The following TTLL5 variants were observed in gnomAD, a reference collection of about 807,000 sequenced individuals.
TTLL5 encodes tubulin polyglutamylase TTLL5.
In TTLL5, 132 loss-of-function variants were observed where a neutral mutation model predicts 168.4. The ratio of observed to expected loss-of-function variants is 0.78; its 90% CI spans 0.68 to 0.91. TTLL5 has a LOEUF of 0.91. Among genes scored for constraint, TTLL5 ranks in the 40% least tolerant of loss-of-function variants. TTLL5 has a pLI of 0.00. For synonymous variants in TTLL5, 546 were observed against 558.6 expected, an observed-to-expected ratio of 0.98 and a Z score of 0.32; for missense variants, 1,545 against 1,581.5, an observed-to-expected ratio of 0.98 and a Z score of 0.39.
rs77742126 is a variant in TTLL5 at position 75,719,825 on chromosome 14, C to T, written c.933C>T (p.Thr311=). 8.3e-4 allele frequency: 1,338 copies of T among 1,613,686 alleles called. No individual in the cohort carries two copies. The highest frequency in any genetic ancestry group is 1.0e-3 in the Non-Finnish European group (1,206 of 1,179,728). Residue 311 remains threonine (T), a splice_region_variant and synonymous_variant, in exon 11 of 32, where the codon ACC becomes ACT. Coordinates refer to ENST00000298832, the MANE Select transcript of TTLL5 (RefSeq NM_015072.5). ...TGAAACAAGAAGGCAGAGATACAAC[C>T]GGTGAGTACTGGGCCTTTTTCCTTC... is the stretch of plus-strand genomic sequence containing the variant. The part of the protein sequence containing the change: ...RYLKQEGRDT[T]ALMAHVEDLI...
chr14:75,896,860 C>T (rs2032686802), intron 30 of TTLL5, among the ~76,000 whole-genome samples: 1 of 152,112 alleles, frequency 6.6e-6, no homozygotes, highest in African/African-American at 2.4e-5. Flanking sequence ...CATTATAACC[C>T]TCCTGGACTG....
chr14:75,832,197 A>G (rs1895608113), intron 28 of TTLL5, among the ~76,000 whole-genome samples: 1 of 152,214 alleles, frequency 6.6e-6, no homozygotes, highest in Non-Finnish European at 1.5e-5. Flanking sequence ...AATGTCAACA[A>G]TAAATATTTG....
In TTLL5 at chr14:75,954,817, T is replaced by C; in HGVS notation, c.*371T>C. The stretch of plus-strand genomic sequence containing the variant: ...ACAGAGATGATATAAAAGAGGCTCT[T>C]TGGCTATTTGCATTTTGCTTCCTCT... On this transcript the variant is annotated 3_prime_UTR_variant, in exon 32 of 32. Transcript: ENST00000298832. 1 of 217,492 alleles carries C rather than the reference T, an allele frequency of 4.6e-6. No homozygotes were observed. The highest frequency in any genetic ancestry group is 9.7e-5 in the East Asian group (1 of 10,288). The allele number at this position is 217,492 out of a possible 1,614,324, so 13.5% of individuals were successfully genotyped here.
At chr14:75,668,485 C>A (rs1218897009) in intron 2 of TTLL5, among the ~76,000 whole-genome samples, 1 of 152,140 alleles carries the variant, frequency 6.6e-6, no homozygotes, top group Non-Finnish European at 1.5e-5. Context: ...AATTTTATTT[C>A]TCTTCCTACC....
chr14:75,877,046 T>C (rs2031532612), intron 29 of TTLL5, among the ~76,000 whole-genome samples: 1 of 152,196 alleles, frequency 6.6e-6, no homozygotes, highest in Non-Finnish European at 1.5e-5. Flanking sequence ...GGACACAATC[T>C]AATGTGGGGA....
chr14:75,664,877 T>C (rs543664640), intron 2 of TTLL5, among the ~76,000 whole-genome samples: 1 of 152,210 alleles, frequency 6.6e-6, no homozygotes, highest in African/African-American at 2.4e-5. Flanking sequence ...TATTAGTGGG[T>C]TTACAGATTG....
intron 28 of TTLL5, among the ~76,000 whole-genome samples, chr14:75,822,802 C>T (rs1894904874): frequency 1.3e-5 from 2 of 152,144 alleles, no homozygotes; most frequent in Non-Finnish European, 2.9e-5. Context: ...AAGCTCAGCC[C>T]AGCGCCTCAA....
chr14:75,946,492 G>A (rs377706208), intron 31 of TTLL5, among the ~76,000 whole-genome samples: 1 of 152,180 alleles, frequency 6.6e-6, no homozygotes, highest in East Asian at 1.9e-4. Context: ...AAAACAGTAC[G>A]AACAAATAAA....
At chr14:75,862,198 CT>C (rs2030073083) in intron 28 of TTLL5, among the ~76,000 whole-genome samples, 1 of 152,216 alleles carries the variant, frequency 6.6e-6, no homozygotes, top group South Asian at 2.1e-4. Context: ...TTTCCTTTCT[CT>C]TTAAGCCTGA....
chr14:75,759,486 T>G (rs548035296), intron 18 of TTLL5, among the ~76,000 whole-genome samples: 5 of 152,250 alleles, frequency 3.3e-5, no homozygotes, highest in African/African-American at 9.6e-5. Context: ...TTATACAGAT[T>G]CTTTTAAGAA....
chr14:75,882,162 C>T lies in TTLL5; in HGVS notation c.3523-523C>T, dbSNP rs867598608. On this transcript the variant is annotated intron_variant, in intron 29 of 31. Coordinates refer to ENST00000298832, the MANE Select transcript of TTLL5 (RefSeq NM_015072.5). ...ACCAGGCCTGGCTCATGGTTCCTGTCGCAGGAACCTCATCTTTCTGTATTG... is the reference window on the plus strand; with the variant it reads ...ACCAGGCCTGGCTCATGGTTCCTGTTGCAGGAACCTCATCTTTCTGTATTG... Among the ~76,000 whole-genome samples, 19 of 152,212 alleles carry T rather than the reference C, an allele frequency of 1.2e-4. No individual in the cohort carries two copies. The South Asian group carries it at 2.5e-3, about 20-fold the overall frequency.
At position 75,860,843 on chromosome 14, in the gene TTLL5, A is replaced by G. The variant is rs375731016; in HGVS notation, c.3327-2824A>G. On this transcript the variant is annotated intron_variant, in intron 28 of 31. Transcript: ENST00000298832. ...AAGCTTTTCTCTTCCCTCACTAATG[A>G]GAAAAGAGATAATAGGTTCCTCAGG... Among the ~76,000 whole-genome samples, 46 of 152,220 alleles carry G rather than the reference A, an allele frequency of 3.0e-4. No homozygotes were observed. In the South Asian group the frequency reaches 9.6e-3, roughly 32 times the overall value.
chr14:75,762,312 T>G (rs1372765630), intron 18 of TTLL5, among the ~76,000 whole-genome samples: 2 of 152,090 alleles, frequency 1.3e-5, no homozygotes, highest in Non-Finnish European at 2.9e-5. Flanking sequence ...GGAGAATTGC[T>G]TGAACCCAGG....
chr14:75,811,183 G>GTGTGTGTA (rs752399420), intron 27 of TTLL5, among the ~76,000 whole-genome samples: 3 of 121,452 alleles, frequency 2.5e-5, no homozygotes, highest in East Asian at 2.2e-4. Flanking sequence ...GTGTGTGTGT[G>GTGTGTGTA]TGTGTATGTG....
In TTLL5 at chr14:75,690,335, C is replaced by T. The variant is rs775552000; in HGVS notation, c.502+13C>T. 6.3e-7 allele frequency: 1 copy of T among 1,596,312 alleles called. No homozygotes were observed. The highest frequency in any genetic ancestry group is 8.5e-7 in the Non-Finnish European group (1 of 1,173,172). On this transcript the variant is annotated intron_variant, in intron 6 of 31. Transcript: ENST00000298832. ...GCGGAATTTTGTAGTAAGTGCTTGA[C>T]AGAGAATGCCCCAGTCCCCAGCAAC...
At chr14:75,893,632 C>A (rs1333770076) in intron 30 of TTLL5, among the ~76,000 whole-genome samples, 1 of 151,998 alleles carries the variant, frequency 6.6e-6, no homozygotes, top group Non-Finnish European at 1.5e-5. Context: ...TCCTGGCTAA[C>A]ACGTTGAAAC....
intron 28 of TTLL5, among the ~76,000 whole-genome samples, chr14:75,848,393 G>A (rs1052372241): frequency 1.3e-5 from 2 of 152,028 alleles, no homozygotes; most frequent in African/African-American, 4.8e-5. Flanking sequence ...ACTTTTCCTG[G>A]CTTGCCTTTG....
At chr14:75,755,802 T>C (rs61980795) in intron 18 of TTLL5, among the ~76,000 whole-genome samples, 15,407 of 152,224 alleles carry the variant, frequency 0.1, 944 homozygotes, top group Non-Finnish European at 0.13. Context: ...AATTTTGTTA[T>C]TATTAGGACC....
At chr14:75,905,748 A>C (rs2033118296) in intron 31 of TTLL5, among the ~76,000 whole-genome samples, 1 of 152,200 alleles carries the variant, frequency 6.6e-6, no homozygotes, top group Non-Finnish European at 1.5e-5. Context: ...TAGATAACTG[A>C]CATTTCTCTC....
Sources: gnomAD v4.1 joint callset for allele counts (sites outside exome capture counted in the v4.1 genomes callset) on GRCh38, gnomAD v4.1.1 for gene constraint, MANE v1.5 for transcripts, NCBI Gene and HGNC (gene_info 2026-07-23, HGNC 2026-07-21) for gene names.